DPYSL2: variants seen among roughly 807,000 people sequenced by gnomAD.
DPYSL2 encodes the protein dihydropyrimidinase-related protein 2.
In DPYSL2, 13 loss-of-function variants were observed where a neutral mutation model predicts 69.9. The observed-to-expected ratio is 0.19, with a 90% CI of 0.12 to 0.30. DPYSL2 has a LOEUF of 0.30. DPYSL2 is among the 10% of genes least tolerant of loss of function. The pLI, the probability that DPYSL2 is intolerant of heterozygous loss-of-function variation, is 1.00. For synonymous variants in DPYSL2, 326 were observed against 359.1 expected, an observed-to-expected ratio of 0.91 and a Z score of 1.04; for missense variants, 587 against 918.9, an observed-to-expected ratio of 0.64 and a Z score of 4.67.
chr8:26,556,116 AC>A (rs1165836764), intron 1 of DPYSL2, among the ~76,000 whole-genome samples: 8 of 16,654 alleles, frequency 4.8e-4, no homozygotes, highest in Admixed American at 2.9e-3. Flanking sequence ...GTATATATAT[AC>A]TATATATATT....
chr8:26,588,826 T>A lies in DPYSL2; in HGVS notation c.628+4843T>A, dbSNP rs1436549983. The stretch of plus-strand genomic sequence containing the variant: ...AGTCCTGGAGAGGGCTCGCTGGAGG[T>A]TGTGCTGGCGGTATCTGCAGAGTCA... On this transcript the variant is annotated intron_variant, in intron 3 of 13. Coordinates refer to ENST00000521913, the MANE Select transcript of DPYSL2 (RefSeq NM_001197293.3). This position sits in a 1 kb window ranked among gnomAD's most constrained non-coding sequence, Gnocchi z 5.4. Among the ~76,000 whole-genome samples the A allele has an allele frequency of 6.6e-6, 1 of 152,098 alleles. No homozygotes were observed.
chr8:26,543,704 C>T (rs529201891), intron 1 of DPYSL2, among the ~76,000 whole-genome samples: 1 of 152,354 alleles, frequency 6.6e-6, no homozygotes, highest in South Asian at 2.1e-4. Context: ...TCAGGCTTGT[C>T]TCGAACTACC....
intron 8 of DPYSL2, chr8:26,637,589 GA>G (rs1239707930): frequency 6.6e-6 from 1 of 152,200 alleles, no homozygotes; most frequent in Non-Finnish European, 1.5e-5. Flanking sequence ...AATCCTGATT[GA>G]AACAGTGGCC....
At chr8:26,592,604 T>C (rs1052449819) in intron 3 of DPYSL2, among the ~76,000 whole-genome samples, 5 of 151,922 alleles carry the variant, frequency 3.3e-5, no homozygotes, top group African/African-American at 1.2e-4. Flanking sequence ...GCCTCTCAAG[T>C]AGCTTGGATT....
At chr8:26,540,515 A>C (rs1486560241) in intron 1 of DPYSL2, among the ~76,000 whole-genome samples, 2 of 152,210 alleles carry the variant, frequency 1.3e-5, no homozygotes. Context: ...CTGAATCTCA[A>C]AGATCCCCAA....
At chr8:26,611,811 A>G (rs1802235824) in intron 3 of DPYSL2, among the ~76,000 whole-genome samples, 1 of 152,212 alleles carries the variant, frequency 6.6e-6, no homozygotes, top group Admixed American at 6.5e-5. Context: ...TGGAGCTGAG[A>G]CAAAGCACAG....
chr8:26,575,933 C>A (rs540595432), intron 1 of DPYSL2, among the ~76,000 whole-genome samples: 1 of 152,270 alleles, frequency 6.6e-6, no homozygotes, highest in South Asian at 2.1e-4. Context: ...TGGTTTTTCA[C>A]AAGTAGAGAG....
chr8:26,527,761 G>C (rs1365290948), intron 1 of DPYSL2, among the ~76,000 whole-genome samples: 1 of 150,772 alleles, frequency 6.6e-6, no homozygotes, highest in Non-Finnish European at 1.5e-5. Flanking sequence ...TGTATAATTT[G>C]GGCCTTATAA....
At chr8:26,542,935 A>G (rs1161680203) in intron 1 of DPYSL2, among the ~76,000 whole-genome samples, 1 of 152,172 alleles carries the variant, frequency 6.6e-6, no homozygotes, top group Non-Finnish European at 1.5e-5. Flanking sequence ...ATGAATATTT[A>G]CCAATTTAAA....
intron 1 of DPYSL2, among the ~76,000 whole-genome samples, chr8:26,540,117 A>G (rs184819372): frequency 4.6e-5 from 7 of 152,310 alleles, no homozygotes; most frequent in African/African-American, 1.7e-4. Context: ...AGACAACCCA[A>G]TTAAATCAGG....
At chr8:26,628,917 TG>T (rs1049812054) in intron 7 of DPYSL2, among the ~76,000 whole-genome samples, 6 of 151,940 alleles carry the variant, frequency 3.9e-5, no homozygotes, top group African/African-American at 1.5e-4. Context: ...CATACCAGTG[TG>T]GGAGGGGAGC....
chr8:26,651,192 C>T (rs1460144501), intron 11 of DPYSL2, among the ~76,000 whole-genome samples: 1 of 152,208 alleles, frequency 6.6e-6, no homozygotes, highest in African/African-American at 2.4e-5. Flanking sequence ...AATGTACTGA[C>T]AGCCCTCGTG....
At chr8:26,549,946 A>G (rs911053506) in intron 1 of DPYSL2, among the ~76,000 whole-genome samples, 1 of 152,216 alleles carries the variant, frequency 6.6e-6, no homozygotes, top group Non-Finnish European at 1.5e-5. Context: ...AATGACATAA[A>G]AAGAGAGTTG....
chr8:26,514,226 C>T lies in DPYSL2; in HGVS notation c.-100C>T. ...CCTTGCGGTGGGCGGCGAACGGCAG[C>T]CGCGGCAGCAGCTAGGGGGCTTGTG... On this transcript the variant is annotated 5_prime_UTR_variant, in exon 1 of 14. Transcript: ENST00000521913. This position sits in a 1 kb window ranked among gnomAD's most constrained non-coding sequence, Gnocchi z 8.4. 2 of 1,105,562 alleles carry T rather than the reference C, an allele frequency of 1.8e-6. No individual in the cohort carries two copies. Among genetic ancestry groups the T allele is most frequent in the Non-Finnish European group, 2.4e-6 (2 of 835,648 alleles). The allele number at this position is 1,105,562 out of a possible 1,614,324, so 68.5% of individuals were successfully genotyped here. A position where few individuals can be genotyped will look rare whatever the true frequency, so the allele number is the denominator to read the frequency against.
In DPYSL2 at chr8:26,514,235, C is replaced by A. The variant is rs1808231650; in HGVS notation, c.-91C>A. On this transcript the variant is annotated 5_prime_UTR_variant, in exon 1 of 14. Coordinates refer to ENST00000521913, the MANE Select transcript of DPYSL2 (RefSeq NM_001197293.3). The surrounding 1 kb of genome is among the most constrained non-coding windows in gnomAD (Gnocchi z 8.4). ...GGGCGGCGAACGGCAGCCGCGGCAG[C>A]AGCTAGGGGGCTTGTGCACACAGCG... The A allele has an allele frequency of 1.7e-6, 2 of 1,160,110 alleles. No homozygotes were observed. The highest frequency in any genetic ancestry group is 3.9e-5 in the South Asian group (2 of 51,198). The allele number at this position is 1,160,110 out of a possible 1,614,324, so 71.9% of individuals were successfully genotyped here.
intron 8 of DPYSL2, among the ~76,000 whole-genome samples, chr8:26,637,089 G>A (rs1273713070): frequency 6.6e-6 from 1 of 152,204 alleles, no homozygotes; most frequent in African/African-American, 2.4e-5. Flanking sequence ...CTTATGGGGT[G>A]AGCAGTAGGA....
At position 26,642,447 on chromosome 8, in the gene DPYSL2, A is replaced by G. The variant is rs1263821812; in HGVS notation, c.1127-992A>G. 6.6e-6 allele frequency among the ~76,000 whole-genome samples: 1 copy of G among 152,156 alleles called. No homozygotes were observed. The highest frequency in any genetic ancestry group is 1.5e-5 in the Non-Finnish European group (1 of 68,034). On this transcript the variant is annotated intron_variant, in intron 8 of 13. Transcript: ENST00000521913. This position sits in a 1 kb window ranked among gnomAD's most constrained non-coding sequence, Gnocchi z 5.3. ...TCCTTTGGAAGATTTTATGCAAGAGAATGCCATGGAAAGATTATATTATAG... is the reference window on the plus strand; with the variant it reads ...TCCTTTGGAAGATTTTATGCAAGAGGATGCCATGGAAAGATTATATTATAG...
chr8:26,514,132 A>C lies in DPYSL2; in HGVS notation c.-194A>C. On this transcript the variant is annotated 5_prime_UTR_variant, in exon 1 of 14. Transcript: ENST00000521913. This position sits in a 1 kb window ranked among gnomAD's most constrained non-coding sequence, Gnocchi z 8.4. ...CGGGGGGCGTGGGCAGGGAGGGGAG[A>C]AGCGGGGTCAGGGGGAGGGACCGGG... is the stretch of plus-strand genomic sequence containing the variant. 1 of 417,254 alleles carries C rather than the reference A, an allele frequency of 2.4e-6. No individual in the cohort carries two copies. The highest frequency in any genetic ancestry group is 9.1e-5 in the South Asian group (1 of 11,022). 25.8% of individuals were successfully genotyped at this position (417,254 alleles called of 1,614,324 possible).
intron 7 of DPYSL2, among the ~76,000 whole-genome samples, chr8:26,628,205 A>G (rs1284316822): frequency 1.3e-5 from 2 of 152,240 alleles, no homozygotes; most frequent in East Asian, 3.8e-4. Flanking sequence ...TTGCTTGTAT[A>G]GACACAAACA....
Sources: gnomAD v4.1 joint callset for allele counts (sites outside exome capture counted in the v4.1 genomes callset) on GRCh38, gnomAD v4.1.1 for gene constraint, Gnocchi (gnomAD v3.1) non-coding constraint, MANE v1.5 for transcripts, NCBI Gene and HGNC (gene_info 2026-07-23, HGNC 2026-07-21) for gene names.